Variants in GIP observed in about 807,000 individuals in gnomAD.
GIP encodes the protein glucose-dependent insulinotropic polypeptide.
In GIP, 16 loss-of-function variants were observed where a neutral mutation model predicts 18.1. The ratio of observed to expected loss-of-function variants is 0.88; its 90% CI spans 0.60 to 1.34. GIP has a LOEUF of 1.34. GIP is among the 40% of genes most tolerant of loss of function. The probability of loss-of-function intolerance (pLI) is 0.00; values close to 1 mark genes in which losing one functional copy is unlikely to be tolerated. For synonymous variants in GIP, 76 were observed against 74.0 expected (o/e 1.03, Z -0.14); for missense variants, 192 against 183.4 (o/e 1.05, Z -0.27).
chr17:48,959,414 G>T (rs1157892128), intron 5 of GIP, among the ~76,000 whole-genome samples: 1 of 152,058 alleles, frequency 6.6e-6, no homozygotes, highest in Non-Finnish European at 1.5e-5. Context: ...CCCTCCTGAG[G>T]TTCCTGTCCC....
intron 2 of GIP, among the ~76,000 whole-genome samples, chr17:48,965,225 T>TGGGA (rs753215611): frequency 1.3e-3 from 172 of 129,776 alleles, no homozygotes; most frequent in Middle Eastern, 4.5e-3. Context: ...CACTTGAACC[T>TGGGA]GGGAGGTGGA....
rs376041587 is a variant in GIP, at chr17:48,961,088, G to C, written c.351-101C>G. On this transcript the variant is annotated intron_variant, in intron 4 of 5. Transcript: ENST00000357424. ...ACCACTGAGGGGCAGCCGCGGATGG[G>C]GGGAGGGAGCCGACACAGCTATCTC... 3.8e-4 allele frequency: 266 copies of C among 697,734 alleles called. 4 individuals carry two copies. In the South Asian group the frequency reaches 4.9e-3, roughly 13 times the overall value. The allele number at this position is 697,734 out of a possible 1,614,324, so 43.2% of individuals were successfully genotyped here. A position where few individuals can be genotyped will look rare whatever the true frequency, so the allele number is the denominator to read the frequency against.
chr17:48,964,936 G>A lies in GIP; in HGVS notation c.87-456C>T, dbSNP rs948368001. Among the ~76,000 whole-genome samples, 90 of 151,804 alleles carry A rather than the reference G, an allele frequency of 5.9e-4. 1 individual carries two copies. The highest frequency in any genetic ancestry group is 2.1e-3 in the African/African-American group (86 of 41,308). On this transcript the variant is annotated intron_variant, in intron 2 of 5. Transcript: ENST00000357424. ...GGGCGGATTACAAGGTCAGGAGATC[G>A]AGACCATCCTGGCTAACACAGTGAA...
At chr17:48,964,053 A>G (rs1366960020) in intron 3 of GIP, among the ~76,000 whole-genome samples, 17 of 144,922 alleles carry the variant, frequency 1.2e-4, no homozygotes, top group Non-Finnish European at 9.0e-5. Flanking sequence ...CCAGCTACTC[A>G]GGAGGCTGAG....
At chr17:48,962,292 G>A (rs906347344) in intron 3 of GIP, among the ~76,000 whole-genome samples, 1 of 152,178 alleles carries the variant, frequency 6.6e-6, no homozygotes, top group South Asian at 2.1e-4. Flanking sequence ...GAACTCGTGA[G>A]CTCAAACAAT....
chr17:48,963,841 CAAA>C (rs60257330), intron 3 of GIP, among the ~76,000 whole-genome samples: 47 of 35,868 alleles, frequency 1.3e-3, no homozygotes, highest in South Asian at 7.1e-3. Context: ...AACTCTGTCT[CAAA>C]AAAAAAAAAA....
At position 48,967,142 on chromosome 17, in the gene GIP, C is replaced by A. The variant is rs1489977761; in HGVS notation, c.86+5G>T. 1 of 1,605,442 alleles carries A rather than the reference C, an allele frequency of 6.2e-7. No individual in the cohort carries two copies. Among genetic ancestry groups the A allele is most frequent in the Non-Finnish European group, 8.5e-7 (1 of 1,172,296 alleles). Reference sequence around the variant, plus strand: ...GCCCCATCCCTTTCCTCTCACCACTCCTACCTGAAGTGACCCTCTTTCTTC... The same window carrying A: ...GCCCCATCCCTTTCCTCTCACCACTACTACCTGAAGTGACCCTCTTTCTTC... On this transcript the variant is annotated splice_donor_5th_base_variant and intron_variant, in intron 2 of 5. Transcript: ENST00000357424.
intron 3 of GIP, among the ~76,000 whole-genome samples, chr17:48,963,799 C>T (rs1186885227): frequency 7.5e-6 from 1 of 133,736 alleles, no homozygotes; most frequent in Non-Finnish European, 1.5e-5. Context: ...AAAGATTGCG[C>T]CATTGCACTC....
chr17:48,966,601 TG>T (rs1449268603), intron 2 of GIP, among the ~76,000 whole-genome samples: 2 of 149,132 alleles, frequency 1.3e-5, no homozygotes, highest in Admixed American at 6.7e-5. Context: ...AAAAAAAGAA[TG>T]CATTCATAAG....
chr17:48,963,157 T>G (rs187409506), intron 3 of GIP, among the ~76,000 whole-genome samples: 2 of 152,036 alleles, frequency 1.3e-5, no homozygotes, highest in Admixed American at 6.6e-5. Flanking sequence ...TCCCTACCCC[T>G]AGCCTAGACT....
At chr17:48,963,039 G>A (rs1787863264) in intron 3 of GIP, among the ~76,000 whole-genome samples, 1 of 151,918 alleles carries the variant, frequency 6.6e-6, no homozygotes, top group Admixed American at 6.6e-5. Context: ...CCCGGGAGGC[G>A]GAGCTTGCAG....
intron 5 of GIP, among the ~76,000 whole-genome samples, chr17:48,959,089 C>T (rs1401996882): frequency 6.6e-6 from 1 of 151,920 alleles, no homozygotes; most frequent in South Asian, 2.1e-4. Context: ...CTCCTGACCT[C>T]ATGATCCACC....
chr17:48,968,160 G>A (rs8074424), intron 1 of GIP, among the ~76,000 whole-genome samples: 11 of 151,918 alleles, frequency 7.2e-5, no homozygotes, highest in Non-Finnish European at 1.6e-4. Context: ...TGACACAATC[G>A]TGGCTCACTG....
chr17:48,964,625 C>T (rs1598104585), intron 2 of GIP, 145 bp from the exon 3 acceptor site: 4 of 642,722 alleles, frequency 6.2e-6, no homozygotes, highest in African/African-American at 1.8e-5. Context: ...CTCCCCCACC[C>T]CACCCCAGGC....
At chr17:48,965,679 C>A (rs2041232714) in intron 2 of GIP, among the ~76,000 whole-genome samples, 1 of 150,586 alleles carries the variant, frequency 6.6e-6, no homozygotes, top group Non-Finnish European at 1.5e-5. Context: ...CTCCTTTATT[C>A]CTCCTGCCCT....
intron 2 of GIP, among the ~76,000 whole-genome samples, chr17:48,965,581 G>C (rs2041231959): frequency 7.4e-6 from 1 of 134,430 alleles, no homozygotes; most frequent in Non-Finnish European, 1.5e-5. Context: ...CTCCAGCCTA[G>C]GTGACAAAGG....
At chr17:48,962,651 G>GCCTGGCC (rs1401205867) in intron 3 of GIP, among the ~76,000 whole-genome samples, 7 of 152,070 alleles carry the variant, frequency 4.6e-5, no homozygotes, top group Non-Finnish European at 1.0e-4. Context: ...ACAGGTGTGA[G>GCCTGGCC]CTACTGGGCC....
chr17:48,964,159 CAAAA>C (rs11380752), intron 3 of GIP, 147 bp downstream of exon 3: 3,714 of 354,728 alleles, frequency 0.01, no homozygotes, highest in South Asian at 0.017. Context: ...GACTCCATCT[CAAAA>C]AAAAAAAAAA....
intron 3 of GIP, among the ~76,000 whole-genome samples, chr17:48,962,025 A>G (rs1031191320): frequency 6.6e-5 from 10 of 152,220 alleles, no homozygotes; most frequent in Non-Finnish European, 1.0e-4. Flanking sequence ...GAGACTTGGC[A>G]TAGAGCAGGG....
Sources: gnomAD v4.1 joint callset for allele counts (sites outside exome capture counted in the v4.1 genomes callset) on GRCh38, gnomAD v4.1.1 for gene constraint, MANE v1.5 for transcripts, NCBI Gene and HGNC (gene_info 2026-07-23, HGNC 2026-07-21) for gene names.